Variants in PRKG1 observed in about 807,000 individuals in gnomAD.
The protein encoded by PRKG1 is protein kinase cGMP-dependent 1, also known as cGMP-dependent protein kinase 1.
PRKG1 carries 35 observed loss-of-function variants against 88.1 expected under a neutral mutation model. The observed-to-expected ratio is 0.40, with a 90% CI of 0.30 to 0.53. The LOEUF (loss-of-function observed/expected upper bound fraction) is 0.53, where lower values mean the gene tolerates loss of function less well. Among genes scored for constraint, PRKG1 ranks in the 20% least tolerant of loss-of-function variants. The probability of loss-of-function intolerance (pLI) is 0.59; values close to 1 mark genes in which losing one functional copy is unlikely to be tolerated. For synonymous variants in PRKG1, 303 were observed against 292.5 expected (o/e 1.04, Z -0.37); for missense variants, 540 against 839.8 (o/e 0.64, Z 4.41).
intron 1 of PRKG1, among the ~76,000 whole-genome samples, chr10:51,151,016 T>C (rs1846058427): frequency 1.3e-5 from 2 of 151,828 alleles, no homozygotes; most frequent in African/African-American, 4.8e-5. Context: ...AGGGTACTAT[T>C]AATACTTCCT....
intron 2 of PRKG1, among the ~76,000 whole-genome samples, chr10:51,187,394 A>C (rs1837519647): frequency 6.6e-6 from 1 of 152,022 alleles, no homozygotes; most frequent in African/African-American, 2.4e-5. Flanking sequence ...AAGAAAATAT[A>C]ATTTTACTAC....
At chr10:52,243,919 G>A (rs2132384239) in intron 9 of PRKG1, among the ~76,000 whole-genome samples, 2 of 152,228 alleles carry the variant, frequency 1.3e-5, no homozygotes, top group Middle Eastern at 6.8e-3. Flanking sequence ...ACTATTTCAT[G>A]ACTAGAGTGC....
Position 52,137,029 on chromosome 10 carries a change from T to G in PRKG1, c.1001+3124T>G, listed in dbSNP as rs544601856. 3.7e-4 allele frequency among the ~76,000 whole-genome samples: 57 copies of G among 152,234 alleles called. No homozygotes were observed. The Middle Eastern group carries it at 0.01, about 27-fold the overall frequency. On this transcript the variant is annotated intron_variant, in intron 8 of 17. Transcript: ENST00000373980. ...TAACTGAAGGATCCTGTCAAAAGCCTGCTGCTGATATCTAATTTATGGCCA... is the reference window on the plus strand; with the variant it reads ...TAACTGAAGGATCCTGTCAAAAGCCGGCTGCTGATATCTAATTTATGGCCA...
intron 4 of PRKG1, among the ~76,000 whole-genome samples, chr10:51,894,975 TG>T (rs1589397294): frequency 2.0e-5 from 3 of 152,160 alleles, no homozygotes; most frequent in Admixed American, 6.6e-5. Flanking sequence ...ATAGTTACGA[TG>T]ATAAGGAAGA....
At chr10:51,831,667 A>G (rs1840009049) in intron 4 of PRKG1, among the ~76,000 whole-genome samples, 1 of 152,198 alleles carries the variant, frequency 6.6e-6, no homozygotes, top group Non-Finnish European at 1.5e-5. Context: ...ATGGCCCAAG[A>G]TGGCTAATCC....
intron 3 of PRKG1, among the ~76,000 whole-genome samples, chr10:51,597,517 T>A (rs1469634509): frequency 6.6e-6 from 1 of 152,224 alleles, no homozygotes; most frequent in Non-Finnish European, 1.5e-5. Flanking sequence ...TTGGCATATC[T>A]CATATTCCTT....
chr10:52,204,912 G>A (rs538978042), intron 9 of PRKG1, among the ~76,000 whole-genome samples: 6 of 152,184 alleles, frequency 3.9e-5, no homozygotes, highest in Non-Finnish European at 5.9e-5. Flanking sequence ...TCTTATTACC[G>A]AAAACGGGTA....
At chr10:51,472,517 C>T (rs550954399) in intron 3 of PRKG1, among the ~76,000 whole-genome samples, 16 of 151,936 alleles carry the variant, frequency 1.1e-4, no homozygotes, top group African/African-American at 3.9e-4. Flanking sequence ...GACAAGAATG[C>T]CAATTTTTAC....
intron 3 of PRKG1, among the ~76,000 whole-genome samples, chr10:51,508,117 C>G (rs978407511): frequency 3.3e-5 from 5 of 151,972 alleles, no homozygotes; most frequent in Non-Finnish European, 7.4e-5. Context: ...ATGCAGATGA[C>G]TTATAGATAC....
chr10:51,013,682 G>A (rs1191003675), intron 1 of PRKG1, among the ~76,000 whole-genome samples: 1 of 152,116 alleles, frequency 6.6e-6, no homozygotes, highest in East Asian at 1.9e-4. Context: ...GAGCCACTGC[G>A]CCCGGCCCTG....
At chr10:50,996,673 T>C (rs190214410) in intron 1 of PRKG1, among the ~76,000 whole-genome samples, 4 of 152,346 alleles carry the variant, frequency 2.6e-5, no homozygotes, top group Admixed American at 2.0e-4. Flanking sequence ...AATACAGTTA[T>C]GAAGGATGTG....
chr10:51,925,449 TGTCA>T (rs1554855945), intron 5 of PRKG1, among the ~76,000 whole-genome samples: 2 of 152,082 alleles, frequency 1.3e-5, no homozygotes, highest in Non-Finnish European at 2.9e-5. Flanking sequence ...TGTGTTTAGG[TGTCA>T]GTATTTTAGC....
At chr10:51,592,193 A>C (rs1203280658) in intron 3 of PRKG1, among the ~76,000 whole-genome samples, 1 of 152,234 alleles carries the variant, frequency 6.6e-6, no homozygotes, top group Non-Finnish European at 1.5e-5. Flanking sequence ...CGAGGAAATC[A>C]AAAGAGGCTG....
chr10:51,871,093 CTTAA>C (rs748940881), intron 4 of PRKG1, among the ~76,000 whole-genome samples: 9 of 152,278 alleles, frequency 5.9e-5, no homozygotes, highest in South Asian at 4.1e-4. Context: ...GGAAGTACTT[CTTAA>C]TTAACACCAA....
intron 2 of PRKG1, among the ~76,000 whole-genome samples, chr10:51,216,816 G>A (rs1838383326): frequency 1.3e-5 from 2 of 152,072 alleles, no homozygotes; most frequent in Non-Finnish European, 2.9e-5. Context: ...TTTTCAGGGG[G>A]ATTTAAAAAG....
intron 4 of PRKG1, among the ~76,000 whole-genome samples, chr10:51,894,441 A>C (rs1433052989): frequency 6.6e-6 from 1 of 152,192 alleles, no homozygotes; most frequent in Non-Finnish European, 1.5e-5. Flanking sequence ...TCAGCTGGTA[A>C]TGTTGAAAAA....
At chr10:51,462,516 G>A (rs1839772423) in intron 2 of PRKG1, among the ~76,000 whole-genome samples, 1 of 152,106 alleles carries the variant, frequency 6.6e-6, no homozygotes, top group South Asian at 2.1e-4. Context: ...ATCCCTTAAT[G>A]CTTAACATCT....
intron 2 of PRKG1, among the ~76,000 whole-genome samples, chr10:51,419,633 AT>A (rs1372985893): frequency 6.6e-6 from 1 of 152,020 alleles, no homozygotes; most frequent in Non-Finnish European, 1.5e-5. Flanking sequence ...CAGTGGAGAG[AT>A]TTTTTAAACT....
At chr10:51,885,774 C>G (rs1841552207) in intron 4 of PRKG1, among the ~76,000 whole-genome samples, 1 of 152,050 alleles carries the variant, frequency 6.6e-6, no homozygotes, top group African/African-American at 2.4e-5. Context: ...TTTCCTATTC[C>G]TTTCCTGACT....
Sources: allele counts gnomAD v4.1 joint callset (sites outside exome capture counted in the v4.1 genomes callset), GRCh38; gene constraint gnomAD v4.1.1; transcripts MANE v1.5; gene names NCBI Gene and HGNC (gene_info 2026-07-23, HGNC 2026-07-21).